The following PLCXD3 variants were observed in gnomAD, a reference collection of about 807,000 sequenced individuals.
PLCXD3 encodes phosphatidylinositol specific phospholipase C X domain containing 3.
In PLCXD3, 19 loss-of-function variants were observed where a neutral mutation model predicts 25.5. The ratio of observed to expected loss-of-function variants is 0.75; its 90% confidence interval spans 0.52 to 1.09. PLCXD3 has a LOEUF of 1.09. Ranked by LOEUF, PLCXD3 falls within the 50% of genes least tolerant of loss-of-function variation. The pLI is 0.00. For synonymous variants in PLCXD3, 174 were observed against 137.6 expected, an observed-to-expected ratio of 1.26 and a Z score of -1.85; for missense variants, 411 against 388.1, an observed-to-expected ratio of 1.06 and a Z score of -0.50.
chr5:41,455,712 C>G (rs545096736), intron 1 of PLCXD3, among the ~76,000 whole-genome samples: 37 of 152,060 alleles, frequency 2.4e-4, no homozygotes, highest in Non-Finnish European at 4.4e-4. Context: ...TGCATGCATT[C>G]TGAAAAGGTA....
chr5:41,483,288 A>G (rs1174241103), intron 1 of PLCXD3, among the ~76,000 whole-genome samples: 1 of 152,210 alleles, frequency 6.6e-6, no homozygotes, highest in African/African-American at 2.4e-5. Flanking sequence ...TTGAGAGATC[A>G]GGTGAAACAG....
chr5:41,493,707 C>T (rs530373325), intron 1 of PLCXD3, among the ~76,000 whole-genome samples: 59 of 152,306 alleles, frequency 3.9e-4, no homozygotes, highest in African/African-American at 1.3e-3. Context: ...TAGCAATCAG[C>T]GAGACTCCGT....
intron 2 of PLCXD3, among the ~76,000 whole-genome samples, chr5:41,347,883 T>C (rs1485898159): frequency 6.6e-6 from 1 of 152,218 alleles, no homozygotes; most frequent in Non-Finnish European, 1.5e-5. Flanking sequence ...GCTGGGCTTC[T>C]TACTCTTTCT....
Position 41,309,356 on chromosome 5 carries a change from A to G in PLCXD3, c.*4261T>C, listed in dbSNP as rs1276368548. The G allele has an allele frequency of 6.5e-6, 1 of 152,746 alleles. No homozygotes were observed. Among genetic ancestry groups the G allele is most frequent in the East Asian group, 1.9e-4 (1 of 5,190 alleles). 9.5% of individuals were successfully genotyped at this position (152,746 alleles called of 1,614,324 possible). ...GAGCCACCAATAAGTTATGGCAGAT[A>G]TAGCATTTACACCATAGTGTCACTG... On this transcript the variant is annotated 3_prime_UTR_variant, in exon 3 of 3. Transcript: ENST00000377801.
chr5:41,475,860 T>A (rs1748272472), intron 1 of PLCXD3, among the ~76,000 whole-genome samples: 1 of 152,172 alleles, frequency 6.6e-6, no homozygotes, highest in Non-Finnish European at 1.5e-5. Flanking sequence ...CAAAAGAAAC[T>A]GTTTTAAAGG....
chr5:41,314,224 C>T (rs924291076), intron 2 of PLCXD3, among the ~76,000 whole-genome samples: 1 of 152,168 alleles, frequency 6.6e-6, no homozygotes, highest in African/African-American at 2.4e-5. Context: ...AATCCCCTGC[C>T]TTCAGAAAGT....
intron 2 of PLCXD3, among the ~76,000 whole-genome samples, chr5:41,348,531 A>G (rs892158027): frequency 6.6e-6 from 1 of 152,222 alleles, no homozygotes; most frequent in Admixed American, 6.5e-5. Context: ...GCTTGTGCAA[A>G]TATAATAATA....
intron 2 of PLCXD3, among the ~76,000 whole-genome samples, chr5:41,337,883 T>G (rs941908717): frequency 6.6e-6 from 1 of 152,166 alleles, no homozygotes; most frequent in Non-Finnish European, 1.5e-5. Flanking sequence ...TAGTCTGAGT[T>G]AGAAGAGTAT....
intron 1 of PLCXD3, among the ~76,000 whole-genome samples, chr5:41,413,809 C>T (rs1196829549): frequency 6.6e-6 from 1 of 152,008 alleles, no homozygotes; most frequent in Non-Finnish European, 1.5e-5. Flanking sequence ...TAAAATATGA[C>T]AAACTAGAGT....
Position 41,353,084 on chromosome 5 carries a change from C to T in PLCXD3, c.812+28742G>A, listed in dbSNP as rs566285731. ...ATGTTCAGTCAAAACCAACATGTTG[C>T]ACACTCAGCTTTTTTTTTTTTTTTT... On this transcript the variant is annotated intron_variant, in intron 2 of 2. Transcript: ENST00000377801. Among the ~76,000 whole-genome samples the T allele has an allele frequency of 2.9e-3, 431 of 151,064 alleles. 3 individuals carry two copies. The highest frequency in any genetic ancestry group is 0.01 in the African/African-American group (420 of 41,282).
At chr5:41,502,820 C>A (rs1748979966) in intron 1 of PLCXD3, among the ~76,000 whole-genome samples, 1 of 152,138 alleles carries the variant, frequency 6.6e-6, no homozygotes, top group African/African-American at 2.4e-5. Context: ...ACATTAAGAT[C>A]ATCTCCAAAG....
intron 1 of PLCXD3, among the ~76,000 whole-genome samples, chr5:41,500,617 A>T (rs867716045): frequency 1.3e-4 from 19 of 151,482 alleles, no homozygotes; most frequent in Middle Eastern, 3.2e-3. Context: ...AAACTGTAAA[A>T]CTCCTGGAAG....
At chr5:41,445,103 C>A (rs1371395089) in intron 1 of PLCXD3, among the ~76,000 whole-genome samples, 3 of 152,134 alleles carry the variant, frequency 2.0e-5, no homozygotes, top group Non-Finnish European at 4.4e-5. Context: ...GAGTCCATGG[C>A]CCTGAAGAGA....
intron 1 of PLCXD3, among the ~76,000 whole-genome samples, chr5:41,435,657 G>T (rs1427698415): frequency 1.1e-4 from 17 of 152,202 alleles, no homozygotes. Flanking sequence ...AGCCATGGTG[G>T]ATTTGATAGA....
At chr5:41,495,651 T>C (rs982852306) in intron 1 of PLCXD3, among the ~76,000 whole-genome samples, 3 of 152,136 alleles carry the variant, frequency 2.0e-5, no homozygotes, top group African/African-American at 7.2e-5. Flanking sequence ...CCTGAAAAAA[T>C]CTAATAAATC....
chr5:41,394,659 A>T lies in PLCXD3; in HGVS notation c.104-12125T>A, dbSNP rs887814177. On this transcript the variant is annotated intron_variant, in intron 1 of 2. Transcript: ENST00000377801. ...AATGGAAACAAAAAAAAGAACAGGA[A>T]TAGCTATACTTATATTAGACAAAAT... Among the ~76,000 whole-genome samples the T allele has an allele frequency of 2.0e-5, 3 of 152,180 alleles. No homozygotes were observed. The South Asian group carries it at 6.2e-4, about 32-fold the overall frequency.
At chr5:41,502,400 G>C (rs1473216251) in intron 1 of PLCXD3, among the ~76,000 whole-genome samples, 1 of 151,976 alleles carries the variant, frequency 6.6e-6, no homozygotes, top group Non-Finnish European at 1.5e-5. Flanking sequence ...TATGTGTGCG[G>C]TGTGTGTGAT....
Position 41,510,537 on chromosome 5 carries a change from G to C in PLCXD3, c.-11C>G. 1.2e-6 allele frequency: 2 copies of C among 1,609,860 alleles called. No individual in the cohort carries two copies. The highest frequency in any genetic ancestry group is 1.7e-6 in the Non-Finnish European group (2 of 1,176,962). Reference sequence around the variant, plus strand: ...CTGAGACGAGGCCATCGTGCCAGTCGGCGTGCAGCGCGCTGGTCCCAGCAC... The same window carrying C: ...CTGAGACGAGGCCATCGTGCCAGTCCGCGTGCAGCGCGCTGGTCCCAGCAC... On this transcript the variant is annotated 5_prime_UTR_variant, in exon 1 of 3. Transcript: ENST00000377801.
chr5:41,346,942 T>A (rs981668944), intron 2 of PLCXD3, among the ~76,000 whole-genome samples: 1 of 152,236 alleles, frequency 6.6e-6, no homozygotes, highest in African/African-American at 2.4e-5. Flanking sequence ...TTTTGGCAAT[T>A]GTGAATAAAG....
Sources: allele counts gnomAD v4.1 joint callset (sites outside exome capture counted in the v4.1 genomes callset), GRCh38; gene constraint gnomAD v4.1.1; transcripts MANE v1.5; gene names NCBI Gene and HGNC (gene_info 2026-07-23, HGNC 2026-07-21).